Variants in NHERF2 observed in about 807,000 individuals in gnomAD.
NHERF2 encodes Na(+)/H(+) exchange regulatory cofactor NHE-RF2.
chr16:2,036,933 C>T, the NHERF2 span: 3 of 1,570,954 alleles, frequency 1.9e-6, no homozygotes, highest in East Asian at 2.4e-5. Context: ...GCTGAGCAGC[C>T]ACTGACACGC....
At chr16:2,036,786 C>T in the NHERF2 span, 1 of 1,613,472 alleles carries the variant, frequency 6.2e-7, no homozygotes, top group Admixed American at 1.7e-5. Context: ...AGCATCAAGG[C>T]ACGGGAGGAC....
chr16:2,036,549 T>C, the NHERF2 span: 2 of 1,544,320 alleles, frequency 1.3e-6, no homozygotes, highest in East Asian at 2.4e-5. Context: ...CCCGCACCTG[T>C]CCACACTGGG....
the NHERF2 span, chr16:2,036,275 G>T: frequency 6.5e-7 from 1 of 1,534,562 alleles, no homozygotes; most frequent in African/African-American, 1.4e-5. Context: ...GTGGCCTCTG[G>T]AGGCGGGAGG....
At chr16:2,033,981 C>T in the NHERF2 span, among the ~76,000 whole-genome samples, 4 of 152,174 alleles carry the variant, frequency 2.6e-5, no homozygotes, top group Non-Finnish European at 5.9e-5. Context: ...GAGTGAAAGA[C>T]GGCTGCTTCT....
At chr16:2,032,669 G>T in the NHERF2 span, 1 of 256,164 alleles carries the variant, frequency 3.9e-6, no homozygotes, top group Non-Finnish European at 6.1e-6. The surrounding 1 kb of genome is among the most constrained non-coding windows in gnomAD (Gnocchi z 4.0). Context: ...TGATGTGGTT[G>T]GCCCCTCCTT....
At chr16:2,028,603 T>G in the NHERF2 span, among the ~76,000 whole-genome samples, 1 of 152,146 alleles carries the variant, frequency 6.6e-6, no homozygotes, top group Non-Finnish European at 1.5e-5. Context: ...AAGAAGCAGC[T>G]GGGCACTGGG....
chr16:2,032,795 A>G, the NHERF2 span: 2 of 996,476 alleles, frequency 2.0e-6, no homozygotes. The surrounding 1 kb of genome is among the most constrained non-coding windows in gnomAD (Gnocchi z 4.0). Context: ...ACAGCCCCCA[A>G]ACAGAGACGG....
At chr16:2,031,721 T>G in the NHERF2 span, among the ~76,000 whole-genome samples, 1 of 152,194 alleles carries the variant, frequency 6.6e-6, no homozygotes, top group Non-Finnish European at 1.5e-5. Context: ...TTCTCTCTTC[T>G]GGCATCAAGA....
the NHERF2 span, chr16:2,037,080 T>C: frequency 6.7e-6 from 10 of 1,487,544 alleles, no homozygotes; most frequent in Non-Finnish European, 9.1e-6. Context: ...TCCCTGGAGA[T>C]CCGTCCTCGA....
At chr16:2,033,349 G>T in the NHERF2 span, 2 of 1,533,234 alleles carry the variant, frequency 1.3e-6, no homozygotes, top group East Asian at 2.4e-5. Flanking sequence ...CTGTGCCGCT[G>T]TCATGGCACG....
chr16:2,037,685 A>G, the NHERF2 span: 1 of 1,563,972 alleles, frequency 6.4e-7, no homozygotes, highest in Non-Finnish European at 8.7e-7. Context: ...CAGCCCGGGC[A>G]GTGGGGTCTC....
At chr16:2,037,161 C>T in the NHERF2 span, among the ~76,000 whole-genome samples, 3 of 152,186 alleles carry the variant, frequency 2.0e-5, no homozygotes, top group East Asian at 3.9e-4. Context: ...CATCCTGGGT[C>T]GTGCCACACA....
the NHERF2 span, chr16:2,027,197 G>A: frequency 7.0e-7 from 1 of 1,436,384 alleles, no homozygotes; most frequent in Non-Finnish European, 9.1e-7. Context: ...GCGTCAACGT[G>A]GAGGGCGAGA....
chr16:2,029,402 G>A, the NHERF2 span: 2 of 614,808 alleles, frequency 3.3e-6, no homozygotes, highest in Non-Finnish European at 5.8e-6. Flanking sequence ...GAGTGCAGAG[G>A]GAGGGAGCCG....
chr16:2,031,254 C>T, the NHERF2 span, among the ~76,000 whole-genome samples: 2 of 152,320 alleles, frequency 1.3e-5, no homozygotes, highest in African/African-American at 4.8e-5. Flanking sequence ...GGGCGGGCCA[C>T]AGTGGTGCTC....
chr16:2,038,356 A>G, the NHERF2 span: 11 of 458,872 alleles, frequency 2.4e-5, no homozygotes, highest in East Asian at 7.1e-4. Flanking sequence ...CTTTTTTTCC[A>G]AAAAGATCTC....
At chr16:2,036,556 TG>T in the NHERF2 span, 1 of 1,535,126 alleles carries the variant, frequency 6.5e-7, no homozygotes. Flanking sequence ...CTGTCCACAC[TG>T]GGGCCCTGGG....
the NHERF2 span, chr16:2,037,455 G>T: frequency 8.8e-6 from 11 of 1,252,020 alleles, no homozygotes; most frequent in Non-Finnish European, 1.3e-5. Context: ...ACACACTGGG[G>T]GGGGGTGTGC....
chr16:2,035,184 C>T, the NHERF2 span, among the ~76,000 whole-genome samples: 2 of 152,140 alleles, frequency 1.3e-5, no homozygotes, highest in African/African-American at 4.8e-5. Context: ...AGGGCAGGTC[C>T]TGAGCCCAGG....
Sources: gnomAD v4.1 joint callset for allele counts (sites outside exome capture counted in the v4.1 genomes callset) on GRCh38, gnomAD v4.1.1 for gene constraint, Gnocchi (gnomAD v3.1) non-coding constraint, MANE v1.5 for transcripts, NCBI Gene and HGNC (gene_info 2026-07-23, HGNC 2026-07-21) for gene names.